Variants in ANO6 observed in about 807,000 individuals in gnomAD.
ANO6 encodes the protein anoctamin 6.
A neutral mutation model predicts 117.5 loss-of-function variants in ANO6; 106 were observed. The observed-to-expected ratio is 0.90, with a 90% CI of 0.77 to 1.06. ANO6 has a LOEUF of 1.06. ANO6 is among the 50% of genes least tolerant of loss of function. The pLI is 0.00. For missense variants in ANO6, 955 were observed against 1,121.1 expected, an observed-to-expected ratio of 0.85 and a Z score of 2.12; for synonymous variants, 367 against 385.1, an observed-to-expected ratio of 0.95 and a Z score of 0.55.
At chr12:45,253,711 A>G (rs1476401305) in intron 1 of ANO6, among the ~76,000 whole-genome samples, 1 of 152,234 alleles carries the variant, frequency 6.6e-6, no homozygotes, top group East Asian at 1.9e-4. Context: ...CACTATCTGT[A>G]AAATGAGGAG....
intron 3 of ANO6, among the ~76,000 whole-genome samples, chr12:45,340,165 C>G (rs1243671735): frequency 6.6e-6 from 1 of 152,000 alleles, no homozygotes; most frequent in Non-Finnish European, 1.5e-5. Flanking sequence ...AGAAAGCTTC[C>G]TTAATTATGC....
At chr12:45,332,293 T>TTC (rs375083537) in intron 3 of ANO6, among the ~76,000 whole-genome samples, 143 of 148,846 alleles carry the variant, frequency 9.6e-4, no homozygotes, top group African/African-American at 2.4e-3. Flanking sequence ...TCTCTCTCTG[T>TTC]TCTCTCTCTC....
At chr12:45,224,459 C>T (rs1405701681) in intron 1 of ANO6, among the ~76,000 whole-genome samples, 1 of 152,094 alleles carries the variant, frequency 6.6e-6, no homozygotes, top group Non-Finnish European at 1.5e-5. Context: ...ACACTCTCTA[C>T]CAAGGAGATG....
At chr12:45,436,211 A>G (rs1040950215), downstream of ANO6, among the ~76,000 whole-genome samples, 1 of 152,108 alleles carries the variant, frequency 6.6e-6, no homozygotes, top group African/African-American at 2.4e-5. Context: ...TAGAATGCCC[A>G]CTTCTGCTTA....
chr12:45,405,168 A>G (rs1219413994), intron 15 of ANO6, among the ~76,000 whole-genome samples: 1 of 152,036 alleles, frequency 6.6e-6, no homozygotes, highest in Non-Finnish European at 1.5e-5. Context: ...ATTTTTCCAG[A>G]TAAGTAAAAG....
At chr12:45,374,861 T>A (rs985910897) in intron 9 of ANO6, among the ~76,000 whole-genome samples, 3 of 152,132 alleles carry the variant, frequency 2.0e-5, no homozygotes, top group Non-Finnish European at 2.9e-5. Flanking sequence ...CAGGGCAATT[T>A]GGCAGGAGAA....
At chr12:45,234,948 G>A (rs1377505507) in intron 1 of ANO6, among the ~76,000 whole-genome samples, 1 of 151,362 alleles carries the variant, frequency 6.6e-6, no homozygotes, top group East Asian at 1.9e-4. Flanking sequence ...TAGTTCTTTG[G>A]ATTCTGTGTT....
At chr12:45,423,688 C>G (rs572836385) in intron 19 of ANO6, among the ~76,000 whole-genome samples, 1 of 152,302 alleles carries the variant, frequency 6.6e-6, no homozygotes, top group East Asian at 1.9e-4. Flanking sequence ...TCAATCAATA[C>G]CAGTTCACTG....
At chr12:45,352,335 CCACTGGATCATTTTGAAG>C (rs902459711) in intron 7 of ANO6, among the ~76,000 whole-genome samples, 1 of 152,082 alleles carries the variant, frequency 6.6e-6, no homozygotes, top group Non-Finnish European at 1.5e-5. Context: ...CCTCCCCACT[CCACTGGATCATTTTGAAG>C]CAAATTCCAA....
intron 15 of ANO6, among the ~76,000 whole-genome samples, chr12:45,406,910 T>C (rs1942949081): frequency 1.3e-5 from 2 of 152,234 alleles, no homozygotes; most frequent in Admixed American, 6.5e-5. Flanking sequence ...CCATGTTTTG[T>C]ACAAAATAAG....
downstream of ANO6, among the ~76,000 whole-genome samples, chr12:45,434,836 C>CA (rs1943689736): frequency 6.6e-6 from 1 of 152,158 alleles, no homozygotes; most frequent in African/African-American, 2.4e-5. Context: ...GGGGCAAATA[C>CA]AACACCAGGA....
chr12:45,394,380 C>T (rs1369440372), intron 12 of ANO6, among the ~76,000 whole-genome samples: 1 of 152,198 alleles, frequency 6.6e-6, no homozygotes, highest in South Asian at 2.1e-4. Context: ...GAGACTTAGA[C>T]TCCCACACAA....
intron 19 of ANO6, among the ~76,000 whole-genome samples, chr12:45,425,066 A>C (rs1943467972): frequency 1.3e-5 from 2 of 152,346 alleles, no homozygotes; most frequent in South Asian, 4.1e-4. Flanking sequence ...GTATGTGAAA[A>C]CATTTAAATA....
intron 1 of ANO6, among the ~76,000 whole-genome samples, chr12:45,245,655 A>G (rs1006124061): frequency 9.9e-5 from 15 of 152,040 alleles, no homozygotes; most frequent in Non-Finnish European, 1.6e-4. Context: ...TGGTTGTACA[A>G]CCTTAACTGT....
chr12:45,330,754 C>A (rs774433637), intron 2 of ANO6, among the ~76,000 whole-genome samples: 2 of 152,000 alleles, frequency 1.3e-5, no homozygotes, highest in African/African-American at 4.8e-5. Context: ...ACTAGTGCAG[C>A]TTTTGTTTAT....
rs949048108 is a variant in ANO6 at position 45,216,199 on chromosome 12, C to T, written c.-123C>T. ...CCCCGGCGCTGGCTGGGCTCAGCGG[C>T]CCCTGAGCCCAAGCGACACACGCCC... On this transcript the variant is annotated 5_prime_UTR_variant, in exon 1 of 20. Coordinates refer to ENST00000320560, the MANE Select transcript of ANO6 (RefSeq NM_001025356.3). The T allele has an allele frequency of 1.7e-6, 2 of 1,147,044 alleles. No individual in the cohort carries two copies. The highest frequency in any genetic ancestry group is 2.5e-6 in the Non-Finnish European group (2 of 789,188). 71.1% of individuals were successfully genotyped at this position (1,147,044 alleles called of 1,614,324 possible).
At chr12:45,338,135 C>T in intron 3 of ANO6, among the ~76,000 whole-genome samples, 1 of 151,916 alleles carries the variant, frequency 6.6e-6, no homozygotes, top group East Asian at 1.9e-4. Context: ...TTCTTAGTTG[C>T]CAAAGAATAT....
intron 17 of ANO6, among the ~76,000 whole-genome samples, chr12:45,419,203 A>G (rs1943291476): frequency 6.6e-6 from 1 of 152,216 alleles, no homozygotes; most frequent in Admixed American, 6.5e-5. Flanking sequence ...TGTGTGCAGA[A>G]CAGCATGGGA....
At chr12:45,428,652 T>C (rs1943562379) in intron 19 of ANO6, among the ~76,000 whole-genome samples, 1 of 152,144 alleles carries the variant, frequency 6.6e-6, no homozygotes, top group South Asian at 2.1e-4. Flanking sequence ...GACTATATTT[T>C]GGGGGTATAT....
Sources: allele counts gnomAD v4.1 joint callset (sites outside exome capture counted in the v4.1 genomes callset), GRCh38; gene constraint gnomAD v4.1.1; transcripts MANE v1.5; gene names NCBI Gene and HGNC (gene_info 2026-07-23, HGNC 2026-07-21).